The following CNTN1 variants were observed in gnomAD, a reference collection of about 807,000 sequenced individuals.
CNTN1 encodes contactin 1.
In CNTN1, 38 loss-of-function variants were observed where a neutral mutation model predicts 126.4. The observed-to-expected ratio is 0.30, with a 90% CI of 0.23 to 0.39. CNTN1 has a LOEUF of 0.39. Among genes scored for constraint, CNTN1 ranks in the 10% least tolerant of loss-of-function variants. The probability of loss-of-function intolerance (pLI) is 1.00; values close to 1 mark genes in which losing one functional copy is unlikely to be tolerated. For synonymous variants in CNTN1, 413 were observed against 422.6 expected, an observed-to-expected ratio of 0.98 and a Z score of 0.28; for missense variants, 1,009 against 1,248.4, an observed-to-expected ratio of 0.81 and a Z score of 2.89.
intron 1 of CNTN1, among the ~76,000 whole-genome samples, chr12:40,777,918 C>T (rs1246975473): frequency 5.3e-5 from 8 of 151,768 alleles, no homozygotes; most frequent in Admixed American, 4.6e-4. Flanking sequence ...TCAAATTTAC[C>T]TGTAGATGTT....
At chr12:40,880,998 G>T (rs10506176) in intron 1 of CNTN1, among the ~76,000 whole-genome samples, 7,466 of 152,008 alleles carry the variant, frequency 0.049, 410 homozygotes, top group African/African-American at 0.14. Context: ...GAATTACACA[G>T]ATTTACCCGT....
At chr12:40,784,699 G>A (rs1939939419) in intron 1 of CNTN1, among the ~76,000 whole-genome samples, 1 of 152,052 alleles carries the variant, frequency 6.6e-6, no homozygotes, top group African/African-American at 2.4e-5. Context: ...GGATCCCAAA[G>A]GGCAATACTG....
At chr12:40,902,733 C>T (rs1156511321) in intron 1 of CNTN1, among the ~76,000 whole-genome samples, 1 of 152,206 alleles carries the variant, frequency 6.6e-6, no homozygotes, top group African/African-American at 2.4e-5. Context: ...ACTTTCATTA[C>T]ATAGCAGTAC....
At chr12:40,736,165 A>C (rs1404206202) in intron 1 of CNTN1, among the ~76,000 whole-genome samples, 1 of 152,070 alleles carries the variant, frequency 6.6e-6, no homozygotes, top group Non-Finnish European at 1.5e-5. Context: ...ACAGACACAC[A>C]TACAGAATCA....
At position 40,959,184 on chromosome 12, in the gene CNTN1, C is replaced by A; in HGVS notation, c.1754C>A (p.Ala585Asp). Residue 585 changes from alanine (A) to aspartate (D), a missense_variant, in exon 15 of 24, where the codon GCC becomes GAC. By Grantham distance (126) the Ala-to-Asp change is moderately radical. Coordinates refer to ENST00000551295, the MANE Select transcript of CNTN1 (RefSeq NM_001843.4). ...CATGCTGGAAGATACACATGCACTG[C>A]CCAGACAATTGTGGACAATTCTTCA... ...LKHAGRYTCT[A>D]QTIVDNSSAS... is the part of the protein sequence containing the mutation. The A allele has an allele frequency of 1.9e-6, 3 of 1,612,748 alleles. No individual in the cohort carries two copies. Among genetic ancestry groups the A allele is most frequent in the Non-Finnish European group, 2.5e-6 (3 of 1,179,140 alleles).
chr12:41,018,855 C>T, intron 19 of CNTN1, among the ~76,000 whole-genome samples: 1 of 152,100 alleles, frequency 6.6e-6, no homozygotes, highest in East Asian at 1.9e-4. Flanking sequence ...TGTGCTCATT[C>T]AGCAGAAATA....
chr12:40,721,784 G>C (rs1341817079), intron 1 of CNTN1, among the ~76,000 whole-genome samples: 2 of 145,142 alleles, frequency 1.4e-5, no homozygotes, highest in Non-Finnish European at 3.0e-5. Context: ...TCCCATCTAT[G>C]AGTGAGAACA....
intron 1 of CNTN1, among the ~76,000 whole-genome samples, chr12:40,874,208 C>T (rs1038644033): frequency 6.6e-6 from 1 of 151,826 alleles, no homozygotes; most frequent in Middle Eastern, 3.4e-3. Flanking sequence ...ATAAGAGTAC[C>T]TTATAGGGTT....
chr12:40,694,931 C>T (rs1040026613), intron 1 of CNTN1, among the ~76,000 whole-genome samples: 1 of 152,098 alleles, frequency 6.6e-6, no homozygotes, highest in Non-Finnish European at 1.5e-5. Context: ...ATAAACAGGG[C>T]TACTGGTAAT....
At chr12:40,919,670 T>G (rs76451115) in intron 4 of CNTN1, among the ~76,000 whole-genome samples, 2,969 of 152,268 alleles carry the variant, frequency 0.019, 91 homozygotes, top group African/African-American at 0.067. Context: ...TTCCACCCAT[T>G]TGATTCTAAC....
At chr12:40,970,551 T>C (rs1269102899) in intron 15 of CNTN1, among the ~76,000 whole-genome samples, 1 of 152,160 alleles carries the variant, frequency 6.6e-6, no homozygotes, top group Non-Finnish European at 1.5e-5. Context: ...ATAATTCTAA[T>C]AATAACTATC....
At chr12:41,063,810 G>C (rs1949992175) in intron 23 of CNTN1, among the ~76,000 whole-genome samples, 1 of 152,180 alleles carries the variant, frequency 6.6e-6, no homozygotes, top group South Asian at 2.1e-4. Flanking sequence ...CGATAGCCCA[G>C]TCTGTTTGTT....
intron 1 of CNTN1, among the ~76,000 whole-genome samples, chr12:40,870,810 C>T (rs567284490): frequency 1.3e-5 from 2 of 152,188 alleles, no homozygotes; most frequent in Admixed American, 6.5e-5. Context: ...AGCTTATTAT[C>T]GTTGAGCTTG....
intron 1 of CNTN1, among the ~76,000 whole-genome samples, chr12:40,739,530 A>ATGTCT (rs1937843874): frequency 6.6e-6 from 1 of 152,096 alleles, no homozygotes; most frequent in African/African-American, 2.4e-5. Context: ...TACTTATACT[A>ATGTCT]AATATTTATT....
chr12:40,881,562 A>G (rs1234609861), intron 1 of CNTN1, among the ~76,000 whole-genome samples: 1 of 151,924 alleles, frequency 6.6e-6, no homozygotes, highest in Admixed American at 6.6e-5. Context: ...CATTTAATAA[A>G]TATTGACTAC....
intron 1 of CNTN1, among the ~76,000 whole-genome samples, chr12:40,800,362 T>A (rs1940599708): frequency 6.6e-6 from 1 of 151,942 alleles, no homozygotes; most frequent in Admixed American, 6.6e-5. Context: ...ATTTTATAAA[T>A]TACCCAGTCT....
chr12:40,871,246 G>A (rs1219419635), intron 1 of CNTN1, among the ~76,000 whole-genome samples: 2 of 149,878 alleles, frequency 1.3e-5, no homozygotes, highest in East Asian at 4.0e-4. Context: ...GATAAACACA[G>A]GGTATGGTAT....
At chr12:40,987,451 A>G (rs1029034659) in intron 16 of CNTN1, among the ~76,000 whole-genome samples, 11 of 152,080 alleles carry the variant, frequency 7.2e-5, no homozygotes, top group African/African-American at 2.4e-4. Context: ...TTGTTAGAAA[A>G]TTGTGTTTGA....
chr12:40,943,885 C>A, intron 13 of CNTN1, 110 bp from the exon 14 acceptor site: 1 of 1,375,604 alleles, frequency 7.3e-7, no homozygotes, highest in Non-Finnish European at 1.0e-6. Flanking sequence ...GAAGTGAAAA[C>A]ATCTTATTAT....
Sources: allele counts gnomAD v4.1 joint callset (sites outside exome capture counted in the v4.1 genomes callset), GRCh38; gene constraint gnomAD v4.1.1; transcripts MANE v1.5; gene names NCBI Gene and HGNC (gene_info 2026-07-23, HGNC 2026-07-21).